DNAH11: variants seen among roughly 807,000 people sequenced by gnomAD.
DNAH11 encodes axonemal beta dynein heavy chain 11.
In DNAH11, 442 loss-of-function variants were observed where a neutral mutation model predicts 526.0. That is an observed-to-expected ratio of 0.84 (90% CI 0.78 to 0.91). The LOEUF (loss-of-function observed/expected upper bound fraction) is 0.91, where lower values mean the gene tolerates loss of function less well. DNAH11 is among the 40% of genes least tolerant of loss of function. The probability of loss-of-function intolerance (pLI) is 0.00; values close to 1 mark genes in which losing one functional copy is unlikely to be tolerated. For missense variants in DNAH11, 6,989 were observed against 5,448.7 expected, an observed-to-expected ratio of 1.28 and a Z score of -8.90; for synonymous variants, 2,461 against 1,935.9, an observed-to-expected ratio of 1.27 and a Z score of -7.12.
intron 73 of DNAH11, among the ~76,000 whole-genome samples, chr7:21,871,907 G>C (rs1783508444): frequency 6.6e-6 from 1 of 151,796 alleles, no homozygotes; most frequent in African/African-American, 2.4e-5. Flanking sequence ...CAGATCATGA[G>C]GTCAGGAGAT....
chr7:21,735,677 G>T lies in DNAH11; in HGVS notation c.7478G>T (p.Arg2493Ile). ...CACACAACAGAGACAGCTCGTCTTA[G>T]ATATTTCATGGAGTTGTTGCTTGAG... ...LVHTTETARL[R>I]YFMELLLEKG... Residue 2493 changes from arginine to isoleucine, a missense_variant, in exon 46 of 82, where the codon AGA becomes ATA. Coordinates refer to ENST00000409508, the MANE Select transcript of DNAH11 (RefSeq NM_001277115.2). 6.2e-7 allele frequency: 1 copy of T among 1,609,948 alleles called. No individual in the cohort carries two copies. Among genetic ancestry groups the T allele is most frequent in the South Asian group, 1.1e-5 (1 of 90,412 alleles).
chr7:21,825,234 G>C (rs1674294285), intron 65 of DNAH11, among the ~76,000 whole-genome samples: 1 of 152,094 alleles, frequency 6.6e-6, no homozygotes. Context: ...TCTTATTGAA[G>C]GCCATTTTGG....
chr7:21,783,662 C>T (rs370182324), intron 57 of DNAH11, among the ~76,000 whole-genome samples: 116 of 149,604 alleles, frequency 7.8e-4, no homozygotes, highest in African/African-American at 2.6e-3. Flanking sequence ...CCTGTCTTCT[C>T]ATTTTGGTTT....
chr7:21,842,269 C>A (rs1465290234), intron 65 of DNAH11, among the ~76,000 whole-genome samples: 3 of 152,100 alleles, frequency 2.0e-5, no homozygotes, highest in East Asian at 3.8e-4. Flanking sequence ...TGTTATAGGT[C>A]TTTTATATGA....
intron 52 of DNAH11, 78 bp from the exon 53 acceptor site, chr7:21,749,600 C>A (rs1237450682): frequency 1.0e-5 from 16 of 1,572,136 alleles, no homozygotes; most frequent in African/African-American, 1.3e-5. Flanking sequence ...TTACTGAGTT[C>A]TCCCCAGCAC....
In DNAH11 at chr7:21,735,658, A is replaced by G. The variant is rs541281775; in HGVS notation, c.7459A>G (p.Thr2487Ala). 6.3e-6 allele frequency: 10 copies of G among 1,596,740 alleles called. No homozygotes were observed. Among genetic ancestry groups the G allele is most frequent in the South Asian group, 3.4e-5 (3 of 88,918 alleles). The part of the protein sequence containing the change: ...VPLQTVLVHT[T>A]ETARLRYFME... ...CTCCCAGACAGTTCTCGTTCACACA[A>G]CAGAGACAGCTCGTCTTAGATATTT... is the stretch of plus-strand genomic sequence containing the variant. The change falls in exon 46 of 82, where the codon ACA (threonine) becomes GCA (alanine). Residue 2487 changes from threonine to alanine, a missense_variant. Transcript: ENST00000409508.
At chr7:21,615,085 G>A in intron 20 of DNAH11, 29 bp from the exon 21 acceptor site, 1 of 1,574,708 alleles carries the variant, frequency 6.4e-7, no homozygotes, top group South Asian at 1.2e-5. Context: ...CTGGCAGTTT[G>A]TATGCAGGTG....
At chr7:21,595,848 G>A (rs1784840411) in intron 14 of DNAH11, among the ~76,000 whole-genome samples, 1 of 151,816 alleles carries the variant, frequency 6.6e-6, no homozygotes, top group Non-Finnish European at 1.5e-5. Context: ...AGGACTGTTG[G>A]CTGGACCACC....
intron 43 of DNAH11, among the ~76,000 whole-genome samples, chr7:21,718,874 A>G (rs1334895796): frequency 6.6e-6 from 1 of 152,234 alleles, no homozygotes; most frequent in South Asian, 2.1e-4. Context: ...GATAATTCGC[A>G]CACCAATTAA....
At position 21,710,700 on chromosome 7, in the gene DNAH11, C is replaced by G; in HGVS notation, c.6831C>G (p.Asn2277Lys). 6.2e-7 allele frequency: 1 copy of G among 1,610,696 alleles called. No homozygotes were observed. The highest frequency in any genetic ancestry group is 8.5e-7 in the Non-Finnish European group (1 of 1,178,486). The change falls in exon 41 of 82, where the codon AAC (asparagine) becomes AAG (lysine). Residue 2277 changes from asparagine to lysine, a missense_variant. Coordinates refer to ENST00000409508, the MANE Select transcript of DNAH11 (RefSeq NM_001277115.2). ...CACTGAATACTGTAATGGATGATAA[C>G]AAGGTGAATAAAACCTCTGTTCTCA... ...IESLNTVMDDNKVLTLASNER... is the reference protein window; with the variant it reads ...IESLNTVMDDKKVLTLASNER...
At position 21,698,332 on chromosome 7, in the gene DNAH11, TAAAA is replaced by T. The variant is rs532541747; in HGVS notation, c.6180+123_6180+126del. The T allele has an allele frequency of 5.6e-5, 78 of 1,397,984 alleles. 1 individual carries two copies. In the South Asian group the frequency reaches 6.1e-4, roughly 11 times the overall value. The allele number at this position is 1,397,984 out of a possible 1,614,324, so 86.6% of individuals were successfully genotyped here. On this transcript the variant is annotated intron_variant, in intron 36 of 81. Coordinates refer to ENST00000409508, the MANE Select transcript of DNAH11 (RefSeq NM_001277115.2). ...TTAGACATTAAAATTTTTTTGTACT[TAAAA>T]AAATTCAATAGTTTGGGGGAACAGG...
At chr7:21,823,007 A>G (rs923087235) in intron 65 of DNAH11, among the ~76,000 whole-genome samples, 2 of 62,710 alleles carry the variant, frequency 3.2e-5, no homozygotes, top group Admixed American at 2.0e-4. Context: ...AGTTCCTTAT[A>G]TATTCTAGTT....
At chr7:21,560,660 A>G (rs1783417652) in intron 4 of DNAH11, among the ~76,000 whole-genome samples, 3 of 152,286 alleles carry the variant, frequency 2.0e-5, no homozygotes, top group Middle Eastern at 3.4e-3. Flanking sequence ...TGCCTGCTCT[A>G]TTCTTGCTGC....
chr7:21,739,091 A>G (rs901384868), intron 47 of DNAH11, among the ~76,000 whole-genome samples: 1 of 152,178 alleles, frequency 6.6e-6, no homozygotes, highest in African/African-American at 2.4e-5. Context: ...TCTTTGGAAG[A>G]TTGGATTGAA....
intron 62 of DNAH11, among the ~76,000 whole-genome samples, chr7:21,805,325 C>T (rs1393197156): frequency 2.6e-5 from 4 of 152,050 alleles, no homozygotes; most frequent in Non-Finnish European, 5.9e-5. Flanking sequence ...ATATGAGCTT[C>T]GCAAGAACAG....
chr7:21,658,977 C>T lies in DNAH11; in HGVS notation c.5274C>T (p.Phe1758=). 6.2e-7 allele frequency: 1 copy of T among 1,609,888 alleles called. No individual in the cohort carries two copies. The change falls in exon 30 of 82, where the codon TTC becomes TTT. Residue 1758 remains phenylalanine (F), a synonymous_variant. Transcript: ENST00000409508. ...IWWTTDVGIA[F]SRLEEGYETA... is the part of the protein sequence containing the mutation. Reference sequence around the variant, plus strand: ...GGACCACAGATGTAGGAATAGCCTTCAGTAGACTGGAAGAAGGCTACGAAA... The same window carrying T: ...GGACCACAGATGTAGGAATAGCCTTTAGTAGACTGGAAGAAGGCTACGAAA...
chr7:21,763,823 C>T (rs1204278334), intron 54 of DNAH11, among the ~76,000 whole-genome samples: 5 of 145,902 alleles, frequency 3.4e-5, no homozygotes, highest in South Asian at 2.2e-4. Flanking sequence ...CATATATATA[C>T]ATATATATAT....
chr7:21,757,931 C>G (rs1250420136), intron 54 of DNAH11, among the ~76,000 whole-genome samples: 1 of 152,194 alleles, frequency 6.6e-6, no homozygotes, highest in African/African-American at 2.4e-5. Context: ...AGAACCTTAT[C>G]CTTGCAAGAT....
chr7:21,588,703 G>C, intron 11 of DNAH11, 67 bp downstream of exon 11: 1 of 1,558,366 alleles, frequency 6.4e-7, no homozygotes, highest in Non-Finnish European at 8.8e-7. Context: ...ATATAAGAGA[G>C]TGAGCTGTTC....
Sources: gnomAD v4.1 joint callset for allele counts (sites outside exome capture counted in the v4.1 genomes callset) on GRCh38, gnomAD v4.1.1 for gene constraint, MANE v1.5 for transcripts, NCBI Gene and HGNC (gene_info 2026-07-23, HGNC 2026-07-21) for gene names.